PTPRG: variants seen among roughly 807,000 people sequenced by gnomAD.
The protein encoded by PTPRG is protein tyrosine phosphatase receptor type G, also known as receptor-type tyrosine-protein phosphatase gamma.
In PTPRG, 102 loss-of-function variants were observed where a neutral mutation model predicts 165.3. The observed-to-expected ratio is 0.62, with a 90% CI of 0.53 to 0.73. The LOEUF is 0.73. Among genes scored for constraint, PTPRG ranks in the 30% least tolerant of loss-of-function variants. The pLI is 0.00. For missense variants in PTPRG, 1,866 were observed against 1,861.4 expected (o/e 1.00, Z -0.05); for synonymous variants, 675 against 669.5 (o/e 1.01, Z -0.13).
chr3:62,292,563 A>C lies in PTPRG; in HGVS notation c.4191+7A>C. Reference sequence around the variant, plus strand: ...TGGAGTATTCACAGACATTGTAAGTAGTTTGCTTATGTGTAAAACCTGTAC... The same window carrying C: ...TGGAGTATTCACAGACATTGTAAGTCGTTTGCTTATGTGTAAAACCTGTAC... On this transcript the variant is annotated splice_region_variant and intron_variant, in intron 29 of 29. Transcript: ENST00000474889. 6.2e-7 allele frequency: 1 copy of C among 1,612,564 alleles called. No individual in the cohort carries two copies. The highest frequency in any genetic ancestry group is 8.5e-7 in the Non-Finnish European group (1 of 1,179,178).
intron 2 of PTPRG, among the ~76,000 whole-genome samples, chr3:61,895,946 C>G (rs1042455418): frequency 6.6e-6 from 1 of 152,116 alleles, no homozygotes; most frequent in African/African-American, 2.4e-5. Context: ...TATACTTTGC[C>G]TAGTTTCCCC....
At chr3:61,920,431 C>T (rs1402378112) in intron 2 of PTPRG, among the ~76,000 whole-genome samples, 2 of 152,100 alleles carry the variant, frequency 1.3e-5, no homozygotes, top group Non-Finnish European at 2.9e-5. Flanking sequence ...GAGTCTTGCT[C>T]TGTTGCCAGG....
intron 1 of PTPRG, among the ~76,000 whole-genome samples, chr3:61,709,667 T>G (rs1443186455): frequency 1.3e-5 from 2 of 152,194 alleles, no homozygotes; most frequent in Non-Finnish European, 2.9e-5. Flanking sequence ...ATCTTGACTT[T>G]ACTTCTTGCC....
intron 1 of PTPRG, among the ~76,000 whole-genome samples, chr3:61,653,711 C>A (rs1274744256): frequency 6.6e-6 from 1 of 152,138 alleles, no homozygotes; most frequent in Non-Finnish European, 1.5e-5. Context: ...TTTCAACTTT[C>A]TTTGCTCATC....
chr3:61,849,357 T>C (rs1053909114), intron 2 of PTPRG, among the ~76,000 whole-genome samples: 1 of 152,178 alleles, frequency 6.6e-6, no homozygotes, highest in Non-Finnish European at 1.5e-5. Context: ...CATGGGAAAT[T>C]TCATGAATAA....
chr3:62,255,093 G>A lies in PTPRG; in HGVS notation c.2468-31G>A. ...AATTTGTTTTATGGAAGTATTCTAT[G>A]TAACTTTGAATATTATTTTATTCCC... is the stretch of plus-strand genomic sequence containing the variant. On this transcript the variant is annotated intron_variant, in intron 15 of 29. Coordinates refer to ENST00000474889, the MANE Select transcript of PTPRG (RefSeq NM_002841.4). This position sits in a 1 kb window ranked among gnomAD's most constrained non-coding sequence, Gnocchi z 4.0. 1.3e-6 allele frequency: 2 copies of A among 1,568,282 alleles called. No individual in the cohort carries two copies. Among genetic ancestry groups the A allele is most frequent in the Non-Finnish European group, 1.7e-6 (2 of 1,144,830 alleles).
At chr3:61,649,256 G>A (rs1239774860) in intron 1 of PTPRG, among the ~76,000 whole-genome samples, 1 of 151,866 alleles carries the variant, frequency 6.6e-6, no homozygotes, top group Non-Finnish European at 1.5e-5. Context: ...CTGGGCTCAA[G>A]TGATCCTCCC....
At chr3:61,753,881 C>A (rs188249744) in intron 2 of PTPRG, among the ~76,000 whole-genome samples, 20 of 152,264 alleles carry the variant, frequency 1.3e-4, no homozygotes, top group African/African-American at 4.8e-4. Context: ...CAAGTGTGAG[C>A]CACCACACCC....
chr3:61,623,864 GGAGCAGGCAGCAT>G (rs1701533795), intron 1 of PTPRG, among the ~76,000 whole-genome samples: 1 of 152,182 alleles, frequency 6.6e-6, no homozygotes, highest in African/African-American at 2.4e-5. Flanking sequence ...TGAGGAGACA[GGAGCAGGCAGCAT>G]GAGTCTATTT....
At chr3:61,627,661 T>C (rs1417835880) in intron 1 of PTPRG, among the ~76,000 whole-genome samples, 1 of 152,224 alleles carries the variant, frequency 6.6e-6, no homozygotes. Flanking sequence ...ATAAAGGGAA[T>C]GTTTTATTCA....
chr3:62,168,782 T>G (rs138608371), intron 8 of PTPRG, among the ~76,000 whole-genome samples: 1 of 152,262 alleles, frequency 6.6e-6, no homozygotes, highest in East Asian at 1.9e-4. Context: ...GTGGACAGCT[T>G]AAGTGTTAAC....
intron 2 of PTPRG, among the ~76,000 whole-genome samples, chr3:61,971,216 C>T (rs2040374265): frequency 6.6e-6 from 1 of 152,048 alleles, no homozygotes; most frequent in Non-Finnish European, 1.5e-5. Context: ...CCATGTCCGG[C>T]TAATTTTTTT....
intron 26 of PTPRG, among the ~76,000 whole-genome samples, chr3:62,278,450 T>G (rs1290069524): frequency 1.3e-5 from 2 of 152,082 alleles, no homozygotes; most frequent in Admixed American, 6.6e-5. Flanking sequence ...TAAAACAGAC[T>G]TAAATGTTTC....
intron 2 of PTPRG, among the ~76,000 whole-genome samples, chr3:61,953,867 C>A (rs1050073053): frequency 1.0e-4 from 1 of 9,590 alleles, no homozygotes; most frequent in Non-Finnish European, 2.2e-4. Context: ...GTATTTTCTG[C>A]TGCTGTACAA....
chr3:61,665,469 T>TAC (rs10662394), intron 1 of PTPRG, among the ~76,000 whole-genome samples: 15,433 of 143,718 alleles, frequency 0.11, 873 homozygotes, highest in Middle Eastern at 0.13. Context: ...TGTAAATAAA[T>TAC]ACACACACAC....
At chr3:61,738,313 CATATATAT>C (rs1287861300) in intron 1 of PTPRG, among the ~76,000 whole-genome samples, 12 of 76,198 alleles carry the variant, frequency 1.6e-4, no homozygotes, top group Non-Finnish European at 2.6e-4. Context: ...TATATATATA[CATATATAT>C]ATATATATAT....
chr3:61,928,463 G>T (rs772215969), intron 2 of PTPRG, among the ~76,000 whole-genome samples: 5 of 152,056 alleles, frequency 3.3e-5, no homozygotes, highest in Non-Finnish European at 7.3e-5. Flanking sequence ...GAAATTGCTT[G>T]AATTTACTGA....
chr3:61,632,326 C>T (rs961751049), intron 1 of PTPRG, among the ~76,000 whole-genome samples: 6 of 144,738 alleles, frequency 4.1e-5, no homozygotes, highest in East Asian at 3.9e-4. Context: ...CATACACACA[C>T]ACACACACAC....
At chr3:61,721,674 T>C (rs536129839) in intron 1 of PTPRG, among the ~76,000 whole-genome samples, 1 of 152,298 alleles carries the variant, frequency 6.6e-6, no homozygotes, top group South Asian at 2.1e-4. Flanking sequence ...GGAGAACTTT[T>C]TTTTCCCTTA....
Sources: allele counts gnomAD v4.1 joint callset (sites outside exome capture counted in the v4.1 genomes callset), GRCh38; gene constraint gnomAD v4.1.1; non-coding constraint Gnocchi (gnomAD v3.1); transcripts MANE v1.5; gene names NCBI Gene and HGNC (gene_info 2026-07-23, HGNC 2026-07-21).